C14orf39: variants seen among roughly 807,000 people sequenced by gnomAD.
C14orf39 encodes the protein protein SIX6OS1.
Under a neutral mutation model 85.6 loss-of-function variants are expected in C14orf39, and 66 were observed. The ratio of observed to expected loss-of-function variants is 0.77; its 90% CI spans 0.63 to 0.95. The LOEUF (loss-of-function observed/expected upper bound fraction) is 0.95. Ranked by LOEUF, C14orf39 falls within the 40% of genes least tolerant of loss-of-function variation. The pLI is 0.00. For synonymous variants in C14orf39, 242 were observed against 214.0 expected (o/e 1.13, Z -1.14); for missense variants, 735 against 663.9 (o/e 1.11, Z -1.18).
intron 1 of C14orf39, chr14:60,511,577 T>C (rs896131760): frequency 1.2e-5 from 6 of 509,300 alleles, no homozygotes; most frequent in South Asian, 8.4e-5. Flanking sequence ...GATTCTCCCA[T>C]GGGTATTTCA....
chr14:60,476,107 G>A (rs73307419), intron 5 of C14orf39, among the ~76,000 whole-genome samples: 4,977 of 152,216 alleles, frequency 0.033, 280 homozygotes, highest in African/African-American at 0.11. Context: ...AAAAGCAGTT[G>A]AGCCCCAAAC....
At chr14:60,485,176 T>G in intron 1 of C14orf39, 90 bp from the exon 2 acceptor site, 1 of 1,059,870 alleles carries the variant, frequency 9.4e-7, no homozygotes, top group Non-Finnish European at 1.4e-6. Context: ...AATATAGCAT[T>G]CTTCACAGGA....
In C14orf39 at chr14:60,484,402, T is replaced by C. The variant is rs1476488669; in HGVS notation, c.106+479A>G. 6.6e-6 allele frequency among the ~76,000 whole-genome samples: 1 copy of C among 152,184 alleles called. No individual in the cohort carries two copies. The highest frequency in any genetic ancestry group is 1.5e-5 in the Non-Finnish European group (1 of 68,026). ...AACGATGAAGAAATTTAGAACTCTA[T>C]TTTTTATAGTTGTTTTGTTGGATCT... On this transcript the variant is annotated intron_variant, in intron 3 of 17. Coordinates refer to ENST00000321731, the MANE Select transcript of C14orf39 (RefSeq NM_174978.3). The surrounding 1 kb of genome is among the most constrained non-coding windows in gnomAD (Gnocchi z 4.2).
At chr14:60,458,774 T>A in intron 13 of C14orf39, 35 bp from the exon 14 acceptor site, 1 of 1,505,306 alleles carries the variant, frequency 6.6e-7, no homozygotes. Context: ...TTTTTCTTTT[T>A]GTAATTTTAT....
intron 1 of C14orf39, among the ~76,000 whole-genome samples, chr14:60,501,306 CA>C (rs66800067): frequency 0.014 from 1,514 of 105,586 alleles, 17 homozygotes; most frequent in African/African-American, 0.049. Context: ...ACCCTGTCTC[CA>C]AAAAAAAAAA....
chr14:60,455,415 T>C (rs1891225789), intron 15 of C14orf39, among the ~76,000 whole-genome samples: 1 of 152,026 alleles, frequency 6.6e-6, no homozygotes, highest in Non-Finnish European at 1.5e-5. Context: ...AGTAGGGAAT[T>C]TTGAAGCATA....
At chr14:60,444,900 G>A (rs2140030486) in intron 16 of C14orf39, among the ~76,000 whole-genome samples, 1 of 152,280 alleles carries the variant, frequency 6.6e-6, no homozygotes, top group South Asian at 2.1e-4. Flanking sequence ...AGAAGAGAGT[G>A]GGGGCCAATA....
exon 2 of C14orf39, chr14:60,499,324 T>G (rs1893108670): frequency 6.6e-6 from 1 of 151,994 alleles, no homozygotes; most frequent in South Asian, 2.1e-4. Flanking sequence ...TCAACTGCAG[T>G]TGTGAAACAA....
Position 60,436,977 on chromosome 14 carries a change from AT to A in C14orf39, c.1631del (p.His544LeufsTer28), listed in dbSNP as rs1173583185. On this transcript the variant is annotated frameshift_variant, in exon 18 of 18. Transcript: ENST00000321731. LOFTEE classifies it high-confidence loss of function. ...AATCATCTTTTCCAGCTCCAAATGT[AT>A]GAGTTGAAGTGTCTGATGGAAAAGA... ...TFSFPSDTST[H>X]TFGAGKDDFS... 1 of 1,613,168 alleles carries A rather than the reference AT, an allele frequency of 6.2e-7. No individual in the cohort carries two copies. The highest frequency in any genetic ancestry group is 1.1e-5 in the South Asian group (1 of 91,006).
chr14:60,485,731 G>C (rs573196108), intron 1 of C14orf39, among the ~76,000 whole-genome samples: 1 of 151,958 alleles, frequency 6.6e-6, no homozygotes, highest in Non-Finnish European at 1.5e-5. Flanking sequence ...ACAGCCTCCT[G>C]TCCTGGCTTC....
intron 1 of C14orf39, among the ~76,000 whole-genome samples, chr14:60,502,216 TC>T (rs1893158151): frequency 6.6e-6 from 1 of 152,144 alleles, no homozygotes; most frequent in Non-Finnish European, 1.5e-5. Flanking sequence ...TTTATCTATC[TC>T]ACAGTTTTAA....
At chr14:60,462,182 C>T (rs2140092635) in intron 11 of C14orf39, among the ~76,000 whole-genome samples, 1 of 151,530 alleles carries the variant, frequency 6.6e-6, no homozygotes, top group South Asian at 2.1e-4. Context: ...CAAGACCAGC[C>T]TGTACAACAT....
intron 4 of C14orf39, among the ~76,000 whole-genome samples, chr14:60,479,780 C>G (rs17834388): frequency 7.2e-4 from 110 of 152,208 alleles, no homozygotes; most frequent in Non-Finnish European, 1.4e-3. Flanking sequence ...TAACATCTTC[C>G]CATATCCATA....
At position 60,443,615 on chromosome 14, in the gene C14orf39, T is replaced by G. The variant is rs149064367; in HGVS notation, c.1504-1484A>C. ...CAGGGCACAGCTGAACAAAAGGCAA[T>G]AGAAAACTTCTGCAGACCTAAATGT... On this transcript the variant is annotated intron_variant, in intron 16 of 17. Coordinates refer to ENST00000321731, the MANE Select transcript of C14orf39 (RefSeq NM_174978.3). Among the ~76,000 whole-genome samples, 6 of 152,238 alleles carry G rather than the reference T, an allele frequency of 3.9e-5. No homozygotes were observed. In the South Asian group the frequency reaches 1.2e-3, roughly 32 times the overall value.
intron 1 of C14orf39, among the ~76,000 whole-genome samples, chr14:60,507,088 G>C (rs1033648639): frequency 1.1e-3 from 168 of 152,222 alleles, no homozygotes; most frequent in African/African-American, 3.9e-3. Context: ...GGCTCGGCTC[G>C]CGGGCTGTAA....
Position 60,483,784 on chromosome 14 carries a change from G to T in C14orf39, c.140C>A (p.Thr47Asn). The change falls in exon 4 of 18, where the codon ACT becomes AAT. Residue 47 changes from threonine to asparagine, a missense_variant. By Grantham distance (65) the Thr-to-Asn change is moderately conservative. Transcript: ENST00000321731. ...CCEDIKENKV[T>N]ICRIHETINA... Reference sequence around the variant, plus strand: ...TATAGTTTCGTGTATCCTACAAATAGTTACTTTGTTTTCCTTAATATCTTC... The same window carrying T: ...TATAGTTTCGTGTATCCTACAAATATTTACTTTGTTTTCCTTAATATCTTC... 1 of 1,539,978 alleles carries T rather than the reference G, an allele frequency of 6.5e-7. No homozygotes were observed. Among genetic ancestry groups the T allele is most frequent in the Non-Finnish European group, 8.9e-7 (1 of 1,118,174 alleles).
upstream of C14orf39, among the ~76,000 whole-genome samples, chr14:60,489,863 A>G (rs1892959888): frequency 6.6e-6 from 1 of 152,196 alleles, no homozygotes; most frequent in Non-Finnish European, 1.5e-5. Context: ...ACAGTTGTCT[A>G]AACTCACAGT....
At chr14:60,500,575 GTAGAA>G (rs1214804520) in intron 1 of C14orf39, among the ~76,000 whole-genome samples, 1 of 152,188 alleles carries the variant, frequency 6.6e-6, no homozygotes, top group Non-Finnish European at 1.5e-5. Flanking sequence ...TATTTATGCT[GTAGAA>G]CACAATGTAA....
upstream of C14orf39, among the ~76,000 whole-genome samples, chr14:60,486,397 T>G (rs1170189194): frequency 2.0e-5 from 3 of 152,220 alleles, no homozygotes; most frequent in Non-Finnish European, 2.9e-5. Flanking sequence ...GATATTAACT[T>G]TTAACAAGAG....
Sources: gnomAD v4.1 joint callset for allele counts (sites outside exome capture counted in the v4.1 genomes callset) on GRCh38, gnomAD v4.1.1 for gene constraint, Gnocchi (gnomAD v3.1) non-coding constraint, MANE v1.5 for transcripts, NCBI Gene and HGNC (gene_info 2026-07-23, HGNC 2026-07-21) for gene names.